The following CCNQ variants were observed in gnomAD, a reference collection of about 807,000 sequenced individuals.
The protein encoded by CCNQ is cyclin Q, also known as cyclin-Q.
A neutral mutation model predicts 17.7 loss-of-function variants in CCNQ; 3 were observed. The observed-to-expected ratio is 0.17, with a 90% CI of 0.08 to 0.44. The LOEUF is 0.44. Ranked by LOEUF, CCNQ falls within the 20% of genes least tolerant of loss-of-function variation. CCNQ has a pLI of 0.99. For missense variants in CCNQ, 146 were observed against 222.6 expected (o/e 0.66, Z 2.19); for synonymous variants, 73 against 96.0 (o/e 0.76, Z 1.40).
At chrX:153,594,805 G>A in intron 2 of CCNQ, 126 bp from the exon 3 acceptor site, 1 of 745,090 alleles carries the variant, frequency 1.3e-6, no homozygotes, top group Non-Finnish European at 2.0e-6. Context: ...TTCATGGAGG[G>A]TCATTTTATT....
chrX:153,589,425 G>A (rs1338760364), intron 4 of CCNQ, among the ~76,000 whole-genome samples: 1 of 113,189 alleles, frequency 8.8e-6, no homozygotes, highest in Non-Finnish European at 1.9e-5. Flanking sequence ...AGCCCGCCCT[G>A]TGCGCCCTGA....
intron 1 of CCNQ, among the ~76,000 whole-genome samples, chrX:153,598,338 T>C (rs1226067101): frequency 9.0e-6 from 1 of 110,780 alleles, no homozygotes; most frequent in Non-Finnish European, 1.9e-5. Flanking sequence ...ATTGCTTTAG[T>C]CCGGGAGACG....
intron 1 of CCNQ, 28 bp downstream of exon 1, chrX:153,598,934 T>C: frequency 9.4e-7 from 1 of 1,067,751 alleles, no homozygotes; most frequent in African/African-American, 1.9e-5. Context: ...CGGCGCCGCC[T>C]GTCCTGGCCT....
At chrX:153,595,981 G>A in intron 2 of CCNQ, 23 bp downstream of exon 2, 1 of 1,211,324 alleles carries the variant, frequency 8.3e-7, no homozygotes, top group East Asian at 3.0e-5. Flanking sequence ...GTGGAGATCA[G>A]GAGCCCAGCC....
intron 1 of CCNQ, chrX:153,597,526 G>T (rs1326947863): frequency 2.7e-5 from 3 of 111,325 alleles, no homozygotes; most frequent in Non-Finnish European, 5.7e-5. Flanking sequence ...CTTCTCTGAC[G>T]GTGACTCCTC....
At chrX:153,593,602 GAGGTGGGAGTGTGGA>G (rs2091006993) in intron 3 of CCNQ, among the ~76,000 whole-genome samples, 2 of 112,508 alleles carry the variant, frequency 1.8e-5, no homozygotes, top group African/African-American at 6.5e-5. Flanking sequence ...TCCAGGTACT[GAGGTGGGAGTGTGGA>G]AGGCTGGAGG....
At chrX:153,589,478 CG>C (rs1215175885) in intron 4 of CCNQ, among the ~76,000 whole-genome samples, 1 of 113,071 alleles carries the variant, frequency 8.8e-6, no homozygotes, top group African/African-American at 3.2e-5. Flanking sequence ...TGTAATAAAC[CG>C]GAACTGGGAG....
At chrX:153,595,903 A>G in intron 2 of CCNQ, 101 bp downstream of exon 2, 1 of 1,003,650 alleles carries the variant, frequency 1.0e-6, no homozygotes, top group Non-Finnish European at 1.4e-6. Context: ...ACTTCCTTCC[A>G]AGCTCCATTG....
chrX:153,598,690 G>A (rs2091045103), intron 1 of CCNQ, among the ~76,000 whole-genome samples: 1 of 113,306 alleles, frequency 8.8e-6, no homozygotes, highest in Non-Finnish European at 1.9e-5. Context: ...GCGCAGAGCT[G>A]CGGGCGCCCG....
chrX:153,592,964 C>T (rs782201230), intron 3 of CCNQ, among the ~76,000 whole-genome samples: 12 of 111,830 alleles, frequency 1.1e-4, no homozygotes, highest in Non-Finnish European at 2.3e-4. Flanking sequence ...TCACCGTATG[C>T]ACCTGCCCAC....
Position 153,597,327 on chromosome X carries a change from G to A in CCNQ, c.113-1140C>T, listed in dbSNP as rs1557027295. ...ACACATTTATACTCCTCCGATCCTGGAAGTCAGAAGTCCAAAACTAGCCTA... is the reference window on the plus strand; with the variant it reads ...ACACATTTATACTCCTCCGATCCTGAAAGTCAGAAGTCCAAAACTAGCCTA... On this transcript the variant is annotated intron_variant, in intron 1 of 4. Transcript: ENST00000576892. The A allele has an allele frequency of 3.6e-5, 4 of 112,537 alleles. No individual in the cohort carries two copies. The South Asian group carries it at 1.5e-3, about 41-fold the overall frequency. The allele number at this position is 112,537 out of a possible 1,213,427, so 9.3% of individuals were successfully genotyped here. A position where few individuals can be genotyped will look rare whatever the true frequency, so the allele number is the denominator to read the frequency against.
chrX:153,597,490 T>C (rs987014668), intron 1 of CCNQ: 2 of 112,027 alleles, frequency 1.8e-5, no homozygotes, highest in Non-Finnish European at 3.8e-5. Context: ...TCAAAGCTTC[T>C]AACTCTGCTT....
At chrX:153,596,291 G>A in intron 1 of CCNQ, 104 bp from the exon 2 acceptor site, 1 of 905,946 alleles carries the variant, frequency 1.1e-6, no homozygotes, top group Non-Finnish European at 1.6e-6. Flanking sequence ...AACCCTACTT[G>A]GACAAGGCTA....
In CCNQ at chrX:153,588,105, T is replaced by C; in HGVS notation, c.*260A>G. On this transcript the variant is annotated 3_prime_UTR_variant, in exon 5 of 5. Coordinates refer to ENST00000576892, the MANE Select transcript of CCNQ (RefSeq NM_152274.5). Reference sequence around the variant, plus strand: ...AGTCCTCTCAAAGGACAAACGCAGATGTGGCTGCCTTGGGTCAGCTGCACA... The same window carrying C: ...AGTCCTCTCAAAGGACAAACGCAGACGTGGCTGCCTTGGGTCAGCTGCACA... The C allele has an allele frequency of 2.1e-6, 1 of 481,134 alleles. No homozygotes were observed. Among genetic ancestry groups the C allele is most frequent in the Admixed American group, 3.1e-5 (1 of 32,466 alleles). 39.7% of individuals were successfully genotyped at this position (481,134 alleles called of 1,213,427 possible). A position where few individuals can be genotyped will look rare whatever the true frequency, so the allele number is the denominator to read the frequency against.
chrX:153,590,231 T>TAAAAAAAAAAAAAAAAAAAAAAA (rs59053078), intron 4 of CCNQ, among the ~76,000 whole-genome samples: 1 of 26,452 alleles, frequency 3.8e-5, no homozygotes, highest in East Asian at 1.5e-3. Context: ...CTGTCTCTAT[T>TAAAAAAAAAAAAAAAAAAAAAAA]AAAAAAAAAA....
intron 1 of CCNQ, among the ~76,000 whole-genome samples, chrX:153,596,713 G>A (rs182557615): frequency 4.1e-4 from 46 of 112,796 alleles, no homozygotes; most frequent in African/African-American, 1.4e-3. Context: ...CACTGGTTTC[G>A]TAGTCCACAG....
chrX:153,598,785 C>T (rs1330994562), intron 1 of CCNQ, among the ~76,000 whole-genome samples, 177 bp downstream of exon 1: 5 of 113,310 alleles, frequency 4.4e-5, no homozygotes, highest in African/African-American at 1.3e-4. Flanking sequence ...GGGGATACCT[C>T]GCGGCTCACT....
Position 153,598,948 on chromosome X carries a change from C to A in CCNQ, c.112+14G>T. 2 of 1,119,804 alleles carry A rather than the reference C, an allele frequency of 1.8e-6. No homozygotes were observed. The highest frequency in any genetic ancestry group is 2.4e-6 in the Non-Finnish European group (2 of 847,639). The allele number at this position is 1,119,804 out of a possible 1,213,427, so 92.3% of individuals were successfully genotyped here. On this transcript the variant is annotated intron_variant, in intron 1 of 4. Transcript: ENST00000576892. ...GCGGCGCCGCCTGTCCTGGCCTCCC[C>A]CGGCCGCGGTTACCTGCCTCCATGA...
intron 1 of CCNQ, among the ~76,000 whole-genome samples, chrX:153,597,067 A>T (rs2091033489): frequency 8.9e-6 from 1 of 112,447 alleles, no homozygotes; most frequent in Non-Finnish European, 1.9e-5. Context: ...TCCCCAGCCC[A>T]TCCCTGAATG....
Sources: gnomAD v4.1 joint callset for allele counts (sites outside exome capture counted in the v4.1 genomes callset) on GRCh38, gnomAD v4.1.1 for gene constraint, MANE v1.5 for transcripts, NCBI Gene and HGNC (gene_info 2026-07-23, HGNC 2026-07-21) for gene names.